Variants in ZSWIM5 observed in about 807,000 individuals in gnomAD.
ZSWIM5 encodes zinc finger SWIM-type containing 5, also known as zinc finger SWIM domain-containing protein 5.
Under a neutral mutation model 119.6 loss-of-function variants are expected in ZSWIM5, and 55 were observed. The ratio of observed to expected loss-of-function variants is 0.46; its 90% CI spans 0.37 to 0.58. ZSWIM5 has a LOEUF of 0.58. ZSWIM5 is among the 20% of genes least tolerant of loss of function. The probability of loss-of-function intolerance (pLI) is 0.00; values close to 1 mark genes in which losing one functional copy is unlikely to be tolerated. For synonymous variants in ZSWIM5, 537 were observed against 606.9 expected (o/e 0.88, Z 1.69); for missense variants, 1,193 against 1,512.8 (o/e 0.79, Z 3.51).
intron 1 of ZSWIM5, among the ~76,000 whole-genome samples, chr1:45,158,941 G>T (rs888699963): frequency 2.0e-5 from 3 of 152,054 alleles, no homozygotes; most frequent in Admixed American, 1.3e-4. Context: ...AATTCAGCTG[G>T]AGGTGAAATT....
At chr1:45,034,220 C>T (rs1321279545) in intron 11 of ZSWIM5, 92 bp downstream of exon 11, 30 of 1,426,790 alleles carry the variant, frequency 2.1e-5, no homozygotes, top group Non-Finnish European at 2.6e-5. Flanking sequence ...AGGAGCTTCT[C>T]TTTCTCAGGA....
intron 2 of ZSWIM5, among the ~76,000 whole-genome samples, chr1:45,065,517 A>G (rs554005137): frequency 1.3e-5 from 2 of 152,296 alleles, no homozygotes; most frequent in South Asian, 4.1e-4. Context: ...GTTTATAAAT[A>G]CCTAGTGTAT....
chr1:45,095,354 GGC>G (rs1041144342), intron 1 of ZSWIM5, among the ~76,000 whole-genome samples: 1 of 151,966 alleles, frequency 6.6e-6, no homozygotes, highest in African/African-American at 2.4e-5. Context: ...TTGAACTCCT[GGC>G]CTCAACTGAT....
At chr1:45,066,220 C>T (rs1298480820) in intron 2 of ZSWIM5, among the ~76,000 whole-genome samples, 2 of 150,736 alleles carry the variant, frequency 1.3e-5, no homozygotes, top group South Asian at 2.1e-4. Flanking sequence ...GTATAGTATT[C>T]CCCCCCATGG....
intron 1 of ZSWIM5, among the ~76,000 whole-genome samples, chr1:45,126,518 C>A (rs1460941243): frequency 2.0e-5 from 3 of 152,130 alleles, no homozygotes; most frequent in African/African-American, 7.2e-5. Flanking sequence ...AGCCCTAACA[C>A]TATCAAGAAA....
At chr1:45,020,521 A>C in intron 12 of ZSWIM5, 104 bp downstream of exon 12, 1 of 1,341,124 alleles carries the variant, frequency 7.5e-7, no homozygotes, top group Non-Finnish European at 1.0e-6. Flanking sequence ...GCCCAAAGGA[A>C]GAGCCAGACT....
At chr1:45,078,992 A>G (rs939144193) in intron 2 of ZSWIM5, among the ~76,000 whole-genome samples, 1 of 152,202 alleles carries the variant, frequency 6.6e-6, no homozygotes, top group African/African-American at 2.4e-5. Context: ...GAAGAATCAC[A>G]AAAGAAGTGA....
At chr1:45,100,222 G>A (rs935010759) in intron 1 of ZSWIM5, among the ~76,000 whole-genome samples, 7 of 152,202 alleles carry the variant, frequency 4.6e-5, no homozygotes, top group African/African-American at 1.4e-4. Flanking sequence ...AAATCAATGT[G>A]CAAAAATCAC....
At chr1:45,181,354 T>A (rs1187269766) in intron 1 of ZSWIM5, among the ~76,000 whole-genome samples, 1 of 151,412 alleles carries the variant, frequency 6.6e-6, no homozygotes, top group Non-Finnish European at 1.5e-5. Flanking sequence ...ATGAAATGAA[T>A]GAAATGAAGC....
chr1:45,020,254 G>A (rs1240360187), intron 12 of ZSWIM5, 107 bp from the exon 13 acceptor site: 1 of 886,312 alleles, frequency 1.1e-6, no homozygotes, highest in Non-Finnish European at 1.8e-6. Flanking sequence ...TTTAAACAGT[G>A]GTCTCTCCGC....
intron 11 of ZSWIM5, among the ~76,000 whole-genome samples, chr1:45,022,954 ACT>A (rs1465387375): frequency 6.6e-6 from 1 of 152,094 alleles, no homozygotes; most frequent in African/African-American, 2.4e-5. Context: ...TTTTTGGAAC[ACT>A]GAGGAGTTTT....
In ZSWIM5 at chr1:45,177,441, ATAGAGCAATTTC is replaced by A. The variant is rs551593974; in HGVS notation, c.595+28303_595+28314del. ...CAGGTTATACAGAGTGGTAACAGCA[ATAGAGCAATTTC>A]TACAATTCCTACAACCCAAACTGTG... On this transcript the variant is annotated intron_variant, in intron 1 of 13. Coordinates refer to ENST00000359600, the MANE Select transcript of ZSWIM5 (RefSeq NM_020883.2). Among the ~76,000 whole-genome samples the A allele has an allele frequency of 9.9e-5, 15 of 152,252 alleles. No individual in the cohort carries two copies. In the South Asian group the frequency reaches 2.5e-3, roughly 25 times the overall value.
intron 1 of ZSWIM5, among the ~76,000 whole-genome samples, chr1:45,131,299 TTTATAA>T (rs1362721549): frequency 6.6e-6 from 1 of 152,180 alleles, no homozygotes; most frequent in Non-Finnish European, 1.5e-5. Flanking sequence ...TGCATATAAA[TTTATAA>T]TTATCTCAAA....
intron 1 of ZSWIM5, among the ~76,000 whole-genome samples, chr1:45,196,019 C>G (rs1239752756): frequency 6.7e-6 from 1 of 148,354 alleles, no homozygotes; most frequent in Non-Finnish European, 1.5e-5. Context: ...AGGTGAGCAC[C>G]GTTACACCCA....
chr1:45,150,816 A>G (rs952963191), intron 1 of ZSWIM5, among the ~76,000 whole-genome samples: 1 of 152,228 alleles, frequency 6.6e-6, no homozygotes, highest in Non-Finnish European at 1.5e-5. Context: ...GCCCATGATC[A>G]GTACTTAATA....
chr1:45,036,660 T>G (rs1644986558), intron 8 of ZSWIM5, among the ~76,000 whole-genome samples: 1 of 152,086 alleles, frequency 6.6e-6, no homozygotes, highest in Non-Finnish European at 1.5e-5. Context: ...CGGCCTAGTC[T>G]TCTGTCTTTC....
In ZSWIM5 at chr1:45,035,773, T is replaced by G; in HGVS notation, c.2206A>C (p.Met736Leu). 1.2e-6 allele frequency: 2 copies of G among 1,613,826 alleles called. No homozygotes were observed. The highest frequency in any genetic ancestry group is 8.5e-7 in the Non-Finnish European group (1 of 1,180,004). ...GEVIHRESVP[M>L]HTFAKYLFSA... ...AACAAATACTTGGCAAAGGTATGCA[T>G]GGGAACACTCTCTCGGTGGATGACT... Residue 736 changes from methionine to leucine, a missense_variant, in exon 10 of 14, where the codon ATG (methionine) becomes CTG (leucine). Transcript: ENST00000359600.
At chr1:45,083,954 G>C (rs1167626112) in intron 2 of ZSWIM5, among the ~76,000 whole-genome samples, 1 of 152,072 alleles carries the variant, frequency 6.6e-6, no homozygotes, top group Non-Finnish European at 1.5e-5. Flanking sequence ...TCTACCACCA[G>C]GCTGGAGTGC....
In ZSWIM5 at chr1:45,036,252, C is replaced by A. The variant is rs771729124; in HGVS notation, c.1942G>T (p.Ala648Ser). Residue 648 changes from alanine (A) to serine (S), a missense_variant, in exon 9 of 14, where the codon GCA becomes TCA. Ala to Ser is a moderately conservative substitution (Grantham distance 99). Transcript: ENST00000359600. ...PPVYQHVPVA[A>S]GSPNSSESYL... ...GACTCACTGCTGTTTGGGGAGCCTG[C>A]AGCCACAGGTACATGCTGGTACACA... The A allele has an allele frequency of 6.2e-7, 1 of 1,614,026 alleles. No individual in the cohort carries two copies.
Sources: allele counts gnomAD v4.1 joint callset (sites outside exome capture counted in the v4.1 genomes callset), GRCh38; gene constraint gnomAD v4.1.1; transcripts MANE v1.5; gene names NCBI Gene and HGNC (gene_info 2026-07-23, HGNC 2026-07-21).